Variants in NFXL1 observed in about 807,000 individuals in gnomAD.
NFXL1 encodes the protein nuclear transcription factor, X-box binding like 1.
In NFXL1, 66 loss-of-function variants were observed where a neutral mutation model predicts 123.3. The ratio of observed to expected loss-of-function variants is 0.54; its 90% CI spans 0.44 to 0.66. The LOEUF (loss-of-function observed/expected upper bound fraction) is 0.66, where lower values mean the gene tolerates loss of function less well. NFXL1 is among the 30% of genes least tolerant of loss of function. The pLI is 0.00. For missense variants in NFXL1, 944 were observed against 1,125.6 expected (o/e 0.84, Z 2.31); for synonymous variants, 346 against 360.8 (o/e 0.96, Z 0.46).
At chr4:47,906,126 C>A (rs1196010597) in intron 3 of NFXL1, among the ~76,000 whole-genome samples, 1 of 152,090 alleles carries the variant, frequency 6.6e-6, no homozygotes, top group Non-Finnish European at 1.5e-5. Flanking sequence ...GCAGGAAGGT[C>A]CAACAAATAA....
At chr4:47,894,145 TTTAAA>T (rs758775520) in intron 11 of NFXL1, 30 bp downstream of exon 11, 3 of 1,547,416 alleles carry the variant, frequency 1.9e-6, no homozygotes, top group Admixed American at 1.9e-5. Flanking sequence ...CAATATAGTC[TTTAAA>T]TCAGAGGTTT....
At chr4:47,885,855 G>A in intron 13 of NFXL1, 24 bp downstream of exon 13, 1 of 1,597,090 alleles carries the variant, frequency 6.3e-7, no homozygotes, top group South Asian at 1.2e-5. Flanking sequence ...TCAGATGGAA[G>A]CTTGTGCAAA....
At chr4:47,881,096 C>T (rs527477939) in intron 15 of NFXL1, among the ~76,000 whole-genome samples, 53 of 151,804 alleles carry the variant, frequency 3.5e-4, no homozygotes, top group African/African-American at 1.3e-3. Flanking sequence ...ACAATAGTTA[C>T]CTATAACAAT....
intron 12 of NFXL1, among the ~76,000 whole-genome samples, chr4:47,887,280 G>C (rs776928643): frequency 6.6e-5 from 10 of 152,104 alleles, no homozygotes; most frequent in Admixed American, 1.3e-4. Context: ...CTGTTGCCTA[G>C]GTGTCAGGAC....
At chr4:47,889,032 C>T (rs1736616845) in intron 12 of NFXL1, among the ~76,000 whole-genome samples, 1 of 152,148 alleles carries the variant, frequency 6.6e-6, no homozygotes, top group Non-Finnish European at 1.5e-5. Flanking sequence ...TCCAACACTT[C>T]TCCAGTAAGT....
At chr4:47,883,031 T>C (rs1373399782) in intron 15 of NFXL1, among the ~76,000 whole-genome samples, 1 of 152,188 alleles carries the variant, frequency 6.6e-6, no homozygotes, top group Non-Finnish European at 1.5e-5. Flanking sequence ...TTCACCACGA[T>C]GTATTAGTGA....
intron 3 of NFXL1, among the ~76,000 whole-genome samples, chr4:47,906,574 CAT>C (rs896639202): frequency 1.8e-4 from 27 of 151,942 alleles, no homozygotes; most frequent in Admixed American, 3.3e-4. Flanking sequence ...TTTAAACAAA[CAT>C]TGAAGTTTTT....
Position 47,899,110 on chromosome 4 carries a change from A to C in NFXL1, c.837T>G (p.Pro279=). 3 of 1,468,980 alleles carry C rather than the reference A, an allele frequency of 2.0e-6. No individual in the cohort carries two copies. The highest frequency in any genetic ancestry group is 4.9e-5 in the East Asian group (2 of 40,852). 91.0% of individuals were successfully genotyped at this position (1,468,980 alleles called of 1,614,324 possible). A position where few individuals can be genotyped will look rare whatever the true frequency, so the allele number is the denominator to read the frequency against. Residue 279 remains proline, a synonymous_variant, in exon 7 of 23, where the codon CCT becomes CCG. Transcript: ENST00000507489. ...TAGTTGTGACCATCTTTGGACAAGGAGGGCAGGGACCTAGAATTCAGTAAA... is the reference window on the plus strand; with the variant it reads ...TAGTTGTGACCATCTTTGGACAAGGCGGGCAGGGACCTAGAATTCAGTAAA... ...CLLLCHPGPC[P]PCPKMVTTTC...
At chr4:47,850,761 A>G (rs1393195867) in intron 22 of NFXL1, among the ~76,000 whole-genome samples, 1 of 152,104 alleles carries the variant, frequency 6.6e-6, no homozygotes, top group Non-Finnish European at 1.5e-5. Context: ...GGTCTCCAGA[A>G]GATGCCTTAC....
At chr4:47,860,979 AGT>A (rs2110041911) in intron 19 of NFXL1, among the ~76,000 whole-genome samples, 1 of 151,330 alleles carries the variant, frequency 6.6e-6, no homozygotes, top group African/African-American at 2.4e-5. Flanking sequence ...CAGCCTCCCG[AGT>A]AGCTGGGATT....
At chr4:47,878,773 G>A in intron 16 of NFXL1, 108 bp from the exon 17 acceptor site, 1 of 778,510 alleles carries the variant, frequency 1.3e-6, no homozygotes, top group Non-Finnish European at 1.9e-6. Flanking sequence ...GTTTCAGAAA[G>A]GTATAAGTTT....
chr4:47,863,601 G>A (rs147393047), intron 18 of NFXL1, among the ~76,000 whole-genome samples: 5 of 152,234 alleles, frequency 3.3e-5, no homozygotes, highest in East Asian at 1.9e-4. Context: ...AGAATCGCTC[G>A]AACTCAGGAG....
chr4:47,861,506 T>C (rs967654558), intron 19 of NFXL1, among the ~76,000 whole-genome samples: 1 of 152,200 alleles, frequency 6.6e-6, no homozygotes, highest in African/African-American at 2.4e-5. Flanking sequence ...AGTTATAAAT[T>C]AGCAACACCT....
At chr4:47,894,763 C>G (rs6845064) in intron 10 of NFXL1, among the ~76,000 whole-genome samples, 52,542 of 151,884 alleles carry the variant, frequency 0.35, 10,247 homozygotes, top group Non-Finnish European at 0.44. Context: ...GGGCTGGGAT[C>G]AACTTCTTAT....
At chr4:47,857,707 C>T (rs1734492353) in intron 19 of NFXL1, among the ~76,000 whole-genome samples, 1 of 152,146 alleles carries the variant, frequency 6.6e-6, no homozygotes, top group South Asian at 2.1e-4. Flanking sequence ...CATAATTCCC[C>T]CAGTAGCCAC....
chr4:47,902,602 A>C (rs1161007117), intron 5 of NFXL1, among the ~76,000 whole-genome samples: 1 of 152,232 alleles, frequency 6.6e-6, no homozygotes, highest in African/African-American at 2.4e-5. Context: ...ACAATTATGA[A>C]TGATTCTCAG....
chr4:47,905,752 T>C (rs1483298920), intron 3 of NFXL1, among the ~76,000 whole-genome samples: 1 of 11,254 alleles, frequency 8.9e-5, no homozygotes, highest in East Asian at 2.3e-3. Flanking sequence ...TGTGAGTGAG[T>C]GGGGGTGGGG....
At chr4:47,886,663 C>T (rs2110081598) in intron 12 of NFXL1, among the ~76,000 whole-genome samples, 1 of 152,300 alleles carries the variant, frequency 6.6e-6, no homozygotes. Context: ...GCCACTGCAC[C>T]CAGCCTCTGA....
intron 17 of NFXL1, among the ~76,000 whole-genome samples, chr4:47,877,668 A>T (rs904142972): frequency 3.3e-5 from 5 of 152,108 alleles, no homozygotes; most frequent in African/African-American, 1.2e-4. Context: ...TAAAAGCAAT[A>T]CATTTACACA....
Sources: gnomAD v4.1 joint callset for allele counts (sites outside exome capture counted in the v4.1 genomes callset) on GRCh38, gnomAD v4.1.1 for gene constraint, MANE v1.5 for transcripts, NCBI Gene and HGNC (gene_info 2026-07-23, HGNC 2026-07-21) for gene names.